Variants in OSBPL5 observed in about 807,000 individuals in gnomAD.
OSBPL5 encodes oxysterol binding protein like 5.
In OSBPL5, 71 loss-of-function variants were observed where a neutral mutation model predicts 111.2. That is an observed-to-expected ratio of 0.64 (90% confidence interval 0.53 to 0.78). The LOEUF (loss-of-function observed/expected upper bound fraction) is 0.78, where lower values mean the gene tolerates loss of function less well. OSBPL5 is among the 30% of genes least tolerant of loss of function. The pLI is 0.00. For synonymous variants in OSBPL5, 549 were observed against 513.9 expected (o/e 1.07, Z -0.93); for missense variants, 1,210 against 1,189.3 (o/e 1.02, Z -0.26).
At chr11:3,147,391 G>C (rs1272269428) in intron 1 of OSBPL5, among the ~76,000 whole-genome samples, 1 of 152,242 alleles carries the variant, frequency 6.6e-6, no homozygotes, top group Non-Finnish European at 1.5e-5. Context: ...AGCGGCCTGG[G>C]TCGGGACAGC....
Position 3,100,204 on chromosome 11 carries a change from G to A in OSBPL5, c.1575C>T (p.Asn525=), listed in dbSNP as rs763842541. 8.1e-6 allele frequency: 13 copies of A among 1,614,048 alleles called. No individual in the cohort carries two copies. The highest frequency in any genetic ancestry group is 2.7e-5 in the African/African-American group (2 of 74,928). Residue 525 remains asparagine (N), a synonymous_variant, in exon 14 of 22, where the codon AAC becomes AAT. Coordinates refer to ENST00000263650, the MANE Select transcript of OSBPL5 (RefSeq NM_020896.4). The stretch of plus-strand genomic sequence containing the variant: ...TGGTAAGGGTGTAATCCTCGGCTCG[G>A]TTCAGGAAGGTGAGCGTGGCTTTGC... ...LDGKATLTFL[N]RAEDYTLTMP...
chr11:3,132,194 G>A (rs918945266), intron 1 of OSBPL5, among the ~76,000 whole-genome samples: 2 of 151,926 alleles, frequency 1.3e-5, no homozygotes, highest in African/African-American at 4.8e-5. Context: ...ACACTGATAT[G>A]GAACAGACAC....
intron 1 of OSBPL5, among the ~76,000 whole-genome samples, chr11:3,159,148 G>A (rs115276973): frequency 0.016 from 2,383 of 152,280 alleles, 67 homozygotes; most frequent in African/African-American, 0.054. Context: ...GCGAGAGTGT[G>A]CACGCACCCT....
intron 1 of OSBPL5, among the ~76,000 whole-genome samples, chr11:3,156,574 C>T (rs575593619): frequency 6.6e-6 from 1 of 152,216 alleles, no homozygotes; most frequent in Non-Finnish European, 1.5e-5. Flanking sequence ...CCTCCCTACA[C>T]GCAACTTGTA....
At chr11:3,149,503 C>T (rs182274919) in intron 1 of OSBPL5, among the ~76,000 whole-genome samples, 5 of 152,364 alleles carry the variant, frequency 3.3e-5, no homozygotes, top group East Asian at 1.9e-4. Flanking sequence ...CATGAGCTTC[C>T]CCTGCCCATG....
chr11:3,101,521 T>C (rs1378300012), intron 13 of OSBPL5, 82 bp downstream of exon 13: 6 of 1,309,542 alleles, frequency 4.6e-6, no homozygotes, highest in Non-Finnish European at 6.5e-6. Context: ...CCCATCCAGA[T>C]CTTGGTCCAC....
chr11:3,126,622 C>G lies in OSBPL5; in HGVS notation c.137-67G>C, dbSNP rs1858637930. The G allele has an allele frequency of 3.5e-6, 5 of 1,420,752 alleles. No homozygotes were observed. In the South Asian group the frequency reaches 5.2e-5, roughly 15 times the overall value. 88.0% of individuals were successfully genotyped at this position (1,420,752 alleles called of 1,614,324 possible). On this transcript the variant is annotated intron_variant, in intron 2 of 21. Transcript: ENST00000263650. This position sits in a 1 kb window ranked among gnomAD's most constrained non-coding sequence, Gnocchi z 6.5. The stretch of plus-strand genomic sequence containing the variant: ...GTGGCCAGGCTTCTCAGGCCGCTGC[C>G]TGGTGTGAGGCAGGCGAAGCGTGGG...
At chr11:3,116,892 T>C (rs1022433931) in intron 7 of OSBPL5, among the ~76,000 whole-genome samples, 13 of 151,356 alleles carry the variant, frequency 8.6e-5, no homozygotes, top group Non-Finnish European at 1.8e-4. Flanking sequence ...AGTAATCTTT[T>C]TGACTTTTTG....
chr11:3,111,953 CTGTGTG>C (rs71464198), intron 7 of OSBPL5, among the ~76,000 whole-genome samples: 13 of 142,740 alleles, frequency 9.1e-5, no homozygotes, highest in African/African-American at 2.1e-4. Flanking sequence ...AACATCCAAG[CTGTGTG>C]TGTGTGTGTG....
chr11:3,140,561 G>A lies in OSBPL5; in HGVS notation c.-21-11392C>T, dbSNP rs954720924. 1.3e-5 allele frequency among the ~76,000 whole-genome samples: 2 copies of A among 152,114 alleles called. No individual in the cohort carries two copies. Among genetic ancestry groups the A allele is most frequent in the African/African-American group, 2.4e-5 (1 of 41,414 alleles). On this transcript the variant is annotated intron_variant, in intron 1 of 21. Coordinates refer to ENST00000263650, the MANE Select transcript of OSBPL5 (RefSeq NM_020896.4). The surrounding 1 kb of genome is among the most constrained non-coding windows in gnomAD (Gnocchi z 4.5). ...GCCTCCCCCAGCAGAGAGGGGCACC[G>A]AGGGAAGCCAGGACCCCAGGCAGTG... is the stretch of plus-strand genomic sequence containing the variant.
At chr11:3,120,647 G>A (rs745428923) in intron 5 of OSBPL5, 23 bp from the exon 6 acceptor site, 8 of 1,607,956 alleles carry the variant, frequency 5.0e-6, no homozygotes, top group Non-Finnish European at 5.9e-6. Flanking sequence ...TGCTGGCGTC[G>A]ATGCCCACCC....
At chr11:3,139,170 C>T (rs1846036657) in intron 1 of OSBPL5, among the ~76,000 whole-genome samples, 1 of 152,234 alleles carries the variant, frequency 6.6e-6, no homozygotes, top group African/African-American at 2.4e-5. Context: ...TTCAGGGGAC[C>T]CTGGGGTGAC....
chr11:3,138,070 C>T (rs560846762), intron 1 of OSBPL5, among the ~76,000 whole-genome samples: 21 of 152,336 alleles, frequency 1.4e-4, no homozygotes, highest in African/African-American at 5.1e-4. Context: ...GCCATGCCTG[C>T]GTGTTCTCCG....
chr11:3,157,533 A>G (rs1238795764), intron 1 of OSBPL5, among the ~76,000 whole-genome samples: 1 of 152,234 alleles, frequency 6.6e-6, no homozygotes, highest in East Asian at 1.9e-4. Context: ...AGAGAGGGGC[A>G]GGAGAGCCCC....
intron 13 of OSBPL5, among the ~76,000 whole-genome samples, chr11:3,101,083 TC>T (rs1857439327): frequency 6.7e-6 from 1 of 150,148 alleles, no homozygotes; most frequent in African/African-American, 2.4e-5. Flanking sequence ...CAAGCGATTC[TC>T]CTGCCTCAGC....
intron 1 of OSBPL5, among the ~76,000 whole-genome samples, chr11:3,143,047 G>A (rs1198742446): frequency 1.0e-5 from 1 of 96,714 alleles, no homozygotes; most frequent in African/African-American, 3.8e-5. Flanking sequence ...GGGCAGAGGA[G>A]GCAGGTGCGG....
chr11:3,107,097 G>C lies in OSBPL5; in HGVS notation c.1059+166C>G, dbSNP rs1051241790. On this transcript the variant is annotated intron_variant, in intron 9 of 21. Coordinates refer to ENST00000263650, the MANE Select transcript of OSBPL5 (RefSeq NM_020896.4). The surrounding 1 kb of genome is among the most constrained non-coding windows in gnomAD (Gnocchi z 6.1). ...CCTCTTTGGAAGACGGGAGGAGCCT[G>C]TTTACCTAAAAGACAGCTCCTGGAC... 6.6e-6 allele frequency among the ~76,000 whole-genome samples: 1 copy of C among 152,188 alleles called. No individual in the cohort carries two copies. Among genetic ancestry groups the C allele is most frequent in the Non-Finnish European group, 1.5e-5 (1 of 68,024 alleles).
Position 3,104,558 on chromosome 11 carries a change from A to G in OSBPL5, c.1060-181T>C, listed in dbSNP as rs113309443. Among the ~76,000 whole-genome samples the G allele has an allele frequency of 0.011, 1,665 of 152,114 alleles. 18 individuals are homozygous for G. Among genetic ancestry groups the G allele is most frequent in the Middle Eastern group, 0.024 (7 of 292 alleles). ...CCCCATCAGATGTGAACTCTTCCCAATGCGTCTCCACCCCACCCCTGGAGC... is the reference window on the plus strand; with the variant it reads ...CCCCATCAGATGTGAACTCTTCCCAGTGCGTCTCCACCCCACCCCTGGAGC... On this transcript the variant is annotated intron_variant, in intron 9 of 21. Coordinates refer to ENST00000263650, the MANE Select transcript of OSBPL5 (RefSeq NM_020896.4). The surrounding 1 kb of genome is among the most constrained non-coding windows in gnomAD (Gnocchi z 5.0).
chr11:3,115,685 G>C (rs1280647628), intron 7 of OSBPL5, among the ~76,000 whole-genome samples: 1 of 152,066 alleles, frequency 6.6e-6, no homozygotes, highest in South Asian at 2.1e-4. Context: ...AGATTAACAA[G>C]GTTTTCTTGA....
Sources: gnomAD v4.1 joint callset for allele counts (sites outside exome capture counted in the v4.1 genomes callset) on GRCh38, gnomAD v4.1.1 for gene constraint, Gnocchi (gnomAD v3.1) non-coding constraint, MANE v1.5 for transcripts, NCBI Gene and HGNC (gene_info 2026-07-23, HGNC 2026-07-21) for gene names.